The following RPH3A variants were observed in gnomAD, a reference collection of about 807,000 sequenced individuals.
RPH3A encodes the protein rabphilin-3A.
RPH3A carries 48 observed loss-of-function variants against 102.2 expected under a neutral mutation model. That is an observed-to-expected ratio of 0.47 (90% CI 0.37 to 0.60). RPH3A has a LOEUF of 0.60. RPH3A is among the 20% of genes least tolerant of loss of function. The pLI is 0.00. For missense variants in RPH3A, 781 were observed against 910.1 expected, an observed-to-expected ratio of 0.86 and a Z score of 1.83; for synonymous variants, 310 against 324.3, an observed-to-expected ratio of 0.96 and a Z score of 0.47.
At chr12:112,670,636 C>G (rs1368701102) in intron 1 of RPH3A, among the ~76,000 whole-genome samples, 1 of 152,108 alleles carries the variant, frequency 6.6e-6, no homozygotes, top group Non-Finnish European at 1.5e-5. Context: ...CTGGGCTTAC[C>G]TGGTCTTGGC....
At chr12:112,743,225 TGGG>T (rs957650647) in intron 1 of RPH3A, among the ~76,000 whole-genome samples, 3 of 152,034 alleles carry the variant, frequency 2.0e-5, no homozygotes, top group Non-Finnish European at 2.9e-5. Flanking sequence ...GTAGACCTCT[TGGG>T]GGTGGGTGGG....
chr12:112,881,679 C>G (rs1368737448), intron 14 of RPH3A, 93 bp from the exon 15 acceptor site: 3 of 821,072 alleles, frequency 3.7e-6, no homozygotes. Flanking sequence ...GACCAACAGG[C>G]AGGACAGATG....
Position 112,823,375 on chromosome 12 carries a change from A to G in RPH3A, c.-18-4926A>G, listed in dbSNP as rs571458280. Among the ~76,000 whole-genome samples the G allele has an allele frequency of 8.5e-4, 130 of 152,364 alleles. 1 individual carries two copies. In the South Asian group the frequency reaches 0.025, roughly 29 times the overall value. On this transcript the variant is annotated intron_variant, in intron 2 of 21. Transcript: ENST00000389385. ...CCTGAGCCTGAATTTTCTTACCTGT[A>G]AAATGAGGATAATACCATCTACCTT...
chr12:112,663,710 C>G (rs999638000), intron 1 of RPH3A, among the ~76,000 whole-genome samples: 2 of 152,110 alleles, frequency 1.3e-5, no homozygotes, highest in Non-Finnish European at 2.9e-5. Context: ...AATTGGGTTT[C>G]TGTCATTCAA....
intron 1 of RPH3A, among the ~76,000 whole-genome samples, chr12:112,598,146 G>A (rs2039531588): frequency 6.6e-6 from 1 of 152,208 alleles, no homozygotes; most frequent in Admixed American, 6.5e-5. Context: ...CTGGGAGGCT[G>A]GGTTGAACAT....
At chr12:112,862,201 T>C (rs1221425621) in intron 5 of RPH3A, among the ~76,000 whole-genome samples, 1 of 151,540 alleles carries the variant, frequency 6.6e-6, no homozygotes, top group Non-Finnish European at 1.5e-5. Flanking sequence ...GATCGTACCA[T>C]TGCACTTCAG....
intron 10 of RPH3A, among the ~76,000 whole-genome samples, chr12:112,871,259 A>G (rs1332714467): frequency 6.6e-6 from 1 of 152,226 alleles, no homozygotes; most frequent in African/African-American, 2.4e-5. Flanking sequence ...TGTAAAGTAC[A>G]TTCACACGGT....
chr12:112,677,028 T>C (rs112320976), intron 1 of RPH3A, among the ~76,000 whole-genome samples: 1 of 152,230 alleles, frequency 6.6e-6, no homozygotes, highest in African/African-American at 2.4e-5. Flanking sequence ...TGCAGAGTGA[T>C]GTTTTCTGTG....
chr12:112,854,950 G>A (rs868461913), intron 5 of RPH3A, among the ~76,000 whole-genome samples: 15 of 152,162 alleles, frequency 9.9e-5, no homozygotes, highest in South Asian at 2.1e-4. Flanking sequence ...TTAATTGATC[G>A]TTTCATATGT....
At chr12:112,806,947 G>A (rs1240297001) in intron 2 of RPH3A, among the ~76,000 whole-genome samples, 1 of 152,000 alleles carries the variant, frequency 6.6e-6, no homozygotes, top group Admixed American at 6.5e-5. Context: ...AGGATGAATA[G>A]GAGTTAACTG....
chr12:112,662,298 C>T (rs751289355), intron 1 of RPH3A, among the ~76,000 whole-genome samples: 11 of 152,174 alleles, frequency 7.2e-5, no homozygotes, highest in Non-Finnish European at 1.3e-4. Flanking sequence ...TTAAGTCTAA[C>T]TCCAAAGAAA....
rs181989528 is a variant in RPH3A, at chr12:112,894,590, G to A, written c.1788G>A (p.Pro596=). 24 of 1,613,702 alleles carry A rather than the reference G, an allele frequency of 1.5e-5. No individual in the cohort carries two copies. The highest frequency in any genetic ancestry group is 1.2e-4 in the African/African-American group (9 of 74,982). ...SDPFVKLWLK[P]DMGKKAKHKT... ...TGTCGCCTCCCAGCTGGCTGAAACC[G>A]GACATGGGAAAGAAGGCCAAACACA... Residue 596 remains proline (P), a synonymous_variant, in exon 20 of 22, where the codon CCG becomes CCA. Transcript: ENST00000389385.
intron 1 of RPH3A, among the ~76,000 whole-genome samples, chr12:112,699,074 C>T (rs763048887): frequency 6.6e-6 from 1 of 152,102 alleles, no homozygotes; most frequent in Non-Finnish European, 1.5e-5. Flanking sequence ...GCATGTGTCA[C>T]CACACCTGGC....
chr12:112,776,896 A>C (rs1476064702), intron 1 of RPH3A, among the ~76,000 whole-genome samples: 2 of 149,508 alleles, frequency 1.3e-5, no homozygotes, highest in African/African-American at 4.9e-5. Flanking sequence ...AAAAAAAAAA[A>C]AAAAAAAAAA....
chr12:112,830,696 C>A (rs140889165), intron 3 of RPH3A, among the ~76,000 whole-genome samples: 12 of 152,012 alleles, frequency 7.9e-5, no homozygotes, highest in African/African-American at 2.4e-4. Context: ...AAAAATTGAA[C>A]CTTTTATCAT....
At chr12:112,709,913 A>G (rs1237231417) in intron 1 of RPH3A, among the ~76,000 whole-genome samples, 4 of 152,198 alleles carry the variant, frequency 2.6e-5, no homozygotes, top group Non-Finnish European at 4.4e-5. Context: ...GCCACAAAGC[A>G]GCCCAAAGCC....
intron 1 of RPH3A, among the ~76,000 whole-genome samples, chr12:112,656,586 T>G (rs2040013294): frequency 6.6e-6 from 1 of 152,174 alleles, no homozygotes; most frequent in Non-Finnish European, 1.5e-5. Flanking sequence ...CTTCCCCCTT[T>G]TGGAGTCCCC....
chr12:112,609,715 T>C (rs1419793979), intron 1 of RPH3A, among the ~76,000 whole-genome samples: 2 of 152,272 alleles, frequency 1.3e-5, no homozygotes, highest in Non-Finnish European at 2.9e-5. Flanking sequence ...CATGCATGAA[T>C]AAATTACAGA....
At chr12:112,602,093 G>A (rs1267631741) in intron 1 of RPH3A, among the ~76,000 whole-genome samples, 3 of 152,206 alleles carry the variant, frequency 2.0e-5, no homozygotes, top group African/African-American at 7.2e-5. Flanking sequence ...ATAGACTGGG[G>A]ATGTTTACTT....
Sources: gnomAD v4.1 joint callset for allele counts (sites outside exome capture counted in the v4.1 genomes callset) on GRCh38, gnomAD v4.1.1 for gene constraint, MANE v1.5 for transcripts, NCBI Gene and HGNC (gene_info 2026-07-23, HGNC 2026-07-21) for gene names.